SRD5A1: variants seen among roughly 807,000 people sequenced by gnomAD.
SRD5A1 encodes the protein steroid 5 alpha-reductase 1.
Under a neutral mutation model 28.2 loss-of-function variants are expected in SRD5A1, and 22 were observed. That is an observed-to-expected ratio of 0.78 (90% CI 0.56 to 1.12). The LOEUF (loss-of-function observed/expected upper bound fraction) is 1.12, where lower values mean the gene tolerates loss of function less well. Among genes scored for constraint, SRD5A1 ranks in the 50% most tolerant of loss-of-function variants. SRD5A1 has a pLI of 0.00. For synonymous variants in SRD5A1, 151 were observed against 135.0 expected, an observed-to-expected ratio of 1.12 and a Z score of -0.82; for missense variants, 300 against 346.7, an observed-to-expected ratio of 0.87 and a Z score of 1.07.
intron 4 of SRD5A1, among the ~76,000 whole-genome samples, chr5:6,664,000 G>A (rs932211415): frequency 6.6e-6 from 1 of 152,174 alleles, no homozygotes; most frequent in Non-Finnish European, 1.5e-5. Flanking sequence ...CCATCTCATT[G>A]ACGGGAAGAG....
chr5:6,643,252 A>G (rs1054550160), intron 1 of SRD5A1, among the ~76,000 whole-genome samples: 3 of 152,132 alleles, frequency 2.0e-5, no homozygotes, highest in Admixed American at 6.5e-5. Flanking sequence ...AGTAACATCC[A>G]TAGACTCACC....
intron 3 of SRD5A1, among the ~76,000 whole-genome samples, 155 bp downstream of exon 3, chr5:6,656,334 T>TAAAC (rs1738836519): frequency 3.3e-5 from 5 of 152,226 alleles, no homozygotes; most frequent in Admixed American, 6.5e-5. Flanking sequence ...CTATTGTTAT[T>TAAAC]GTCTTATTAG....
intron 4 of SRD5A1, among the ~76,000 whole-genome samples, chr5:6,663,705 C>T (rs1739077928): frequency 6.6e-6 from 1 of 151,942 alleles, no homozygotes; most frequent in Non-Finnish European, 1.5e-5. Flanking sequence ...ACTAAAAATA[C>T]AAAAATTAGT....
At chr5:6,666,020 C>T (rs1241530095) in intron 4 of SRD5A1, among the ~76,000 whole-genome samples, 2 of 152,094 alleles carry the variant, frequency 1.3e-5, no homozygotes, top group Admixed American at 6.6e-5. Context: ...AAATGTAGGA[C>T]TTACAAGCTG....
rs1739410377 is a variant in SRD5A1, at chr5:6,673,169, T to C, written c.*4901T>C. ...GAAATGATACTTGGCATTAGTATCA[T>C]TCTCCATCACTCTTGAAAGATATAT... On this transcript the variant is annotated 3_prime_UTR_variant, in exon 5 of 5. Coordinates refer to ENST00000274192, the MANE Select transcript of SRD5A1 (RefSeq NM_001047.4). 2 of 152,238 alleles carry C rather than the reference T, an allele frequency of 1.3e-5. No homozygotes were observed. Among genetic ancestry groups the C allele is most frequent in the Non-Finnish European group, 2.9e-5 (2 of 68,046 alleles). The allele number at this position is 152,238 out of a possible 1,614,324, so 9.4% of individuals were successfully genotyped here.
chr5:6,633,813 C>T lies in SRD5A1; in HGVS notation c.237C>T (p.Leu79=), dbSNP rs1213132040. 3.1e-6 allele frequency: 5 copies of T among 1,597,944 alleles called. No homozygotes were observed. Among genetic ancestry groups the T allele is most frequent in the Non-Finnish European group, 3.4e-6 (4 of 1,179,678 alleles). ...YQYASESAPR[L]RSAPNCILLA... is the part of the protein sequence containing the mutation. ...ACGCCAGCGAGTCCGCCCCGCGTCT[C>T]CGCAGCGCGCCCAACTGCATCCTCC... The change falls in exon 1 of 5, where the codon CTC becomes CTT. Residue 79 remains leucine (L), a synonymous_variant. Coordinates refer to ENST00000274192, the MANE Select transcript of SRD5A1 (RefSeq NM_001047.4).
intron 4 of SRD5A1, among the ~76,000 whole-genome samples, chr5:6,664,078 G>C (rs189565659): frequency 3.9e-5 from 6 of 152,176 alleles, no homozygotes; most frequent in African/African-American, 1.4e-4. Context: ...ATAAATGATG[G>C]AGACTGGGCT....
chr5:6,653,846 A>G (rs919510910), intron 2 of SRD5A1, among the ~76,000 whole-genome samples: 6 of 152,168 alleles, frequency 3.9e-5, no homozygotes, highest in African/African-American at 1.2e-4. Context: ...ACACCAATCA[A>G]TTGTAGACAG....
chr5:6,633,625 G>A lies in SRD5A1; in HGVS notation c.49G>A (p.Ala17Thr), dbSNP rs760934578. 6 of 1,537,984 alleles carry A rather than the reference G, an allele frequency of 3.9e-6. No homozygotes were observed. The African/African-American group carries it at 4.2e-5, about 11-fold the overall frequency. ...GGAGGAGCGCCTGCTGGCCGCGCTC[G>A]CCTACCTGCAGTGCGCCGTGGGCTG... ...VAEERLLAAL[A>T]YLQCAVGCAV... The change falls in exon 1 of 5, where the codon GCC becomes ACC. Residue 17 changes from alanine (A) to threonine (T), a missense_variant. Ala to Thr is a moderately conservative substitution (Grantham distance 58). This residue lies in a region of SRD5A1 where 174 missense variants were observed against 160.9 expected (regional missense o/e 1.08). Coordinates refer to ENST00000274192, the MANE Select transcript of SRD5A1 (RefSeq NM_001047.4).
At position 6,670,692 on chromosome 5, in the gene SRD5A1, G is replaced by GA. The variant is rs1739335890; in HGVS notation, c.*2431dup. On this transcript the variant is annotated 3_prime_UTR_variant, in exon 5 of 5. Coordinates refer to ENST00000274192, the MANE Select transcript of SRD5A1 (RefSeq NM_001047.4). ...TAAGTAGCTAAAATAATGTTAGGTA[G>GA]AAAAAAATAACAAGAATAAAAGCAA... 2 of 152,082 alleles carry GA rather than the reference G, an allele frequency of 1.3e-5. No individual in the cohort carries two copies. The highest frequency in any genetic ancestry group is 2.9e-5 in the Non-Finnish European group (2 of 68,012). The allele number at this position is 152,082 out of a possible 1,614,324, so 9.4% of individuals were successfully genotyped here. A position where few individuals can be genotyped will look rare whatever the true frequency, so the allele number is the denominator to read the frequency against.
At position 6,662,881 on chromosome 5, in the gene SRD5A1, G is replaced by T; in HGVS notation, c.628G>T (p.Ala210Ser). 1.9e-6 allele frequency: 3 copies of T among 1,613,412 alleles called. No homozygotes were observed. Among genetic ancestry groups the T allele is most frequent in the African/African-American group, 2.7e-5 (2 of 75,002 alleles). ...FGEIMEWCGY[A>S]LASWSVQGAA... Reference sequence around the variant, plus strand: ...AGAAATCATGGAGTGGTGTGGCTATGCCCTGGCCAGCTGGTCTGTCCAAGG... The same window carrying T: ...AGAAATCATGGAGTGGTGTGGCTATTCCCTGGCCAGCTGGTCTGTCCAAGG... The change falls in exon 4 of 5, where the codon GCC becomes TCC. Residue 210 changes from alanine to serine, a missense_variant. Ala to Ser is a moderately conservative substitution (Grantham distance 99). Transcript: ENST00000274192.
rs8192156 is a variant in SRD5A1, at chr5:6,640,082, C to T, written c.293+6213C>T. On this transcript the variant is annotated intron_variant, in intron 1 of 4. Coordinates refer to ENST00000274192, the MANE Select transcript of SRD5A1 (RefSeq NM_001047.4). ...GAGGATTTCATATGCTTGGGCCAGA[C>T]ATTCCCATGTCTCAACGGGTCCTCA... is the stretch of plus-strand genomic sequence containing the variant. 4.3e-3 allele frequency among the ~76,000 whole-genome samples: 658 copies of T among 152,320 alleles called. 4 individuals are homozygous for T. The highest frequency in any genetic ancestry group is 0.015 in the African/African-American group (624 of 41,554).
chr5:6,657,318 A>G (rs1483353559), intron 3 of SRD5A1, among the ~76,000 whole-genome samples: 2 of 152,342 alleles, frequency 1.3e-5, no homozygotes, highest in East Asian at 1.9e-4. Flanking sequence ...CTGATCACCT[A>G]TTCAGCCCCT....
At chr5:6,652,124 A>C in intron 2 of SRD5A1, 116 bp downstream of exon 2, 1 of 1,216,530 alleles carries the variant, frequency 8.2e-7, no homozygotes, top group Non-Finnish European at 1.1e-6. Context: ...ACAACAGAGA[A>C]AGCAGCAGCA....
At chr5:6,662,686 T>G (rs193236247) in intron 3 of SRD5A1, 130 bp from the exon 4 acceptor site, 3 of 1,027,270 alleles carry the variant, frequency 2.9e-6, no homozygotes, top group African/African-American at 1.6e-5. Context: ...TCTTACTGAT[T>G]AACATTCTGT....
At chr5:6,639,007 T>C (rs955136095) in intron 1 of SRD5A1, among the ~76,000 whole-genome samples, 1 of 152,260 alleles carries the variant, frequency 6.6e-6, no homozygotes, top group African/African-American at 2.4e-5. Flanking sequence ...ATTCTCTATT[T>C]CATTGTTCCC....
chr5:6,656,315 T>C (rs1738835099), intron 3 of SRD5A1, 136 bp downstream of exon 3: 1 of 696,676 alleles, frequency 1.4e-6, no homozygotes, highest in Non-Finnish European at 2.5e-6. Flanking sequence ...TCATTATTAA[T>C]AACAAGTGCT....
intron 1 of SRD5A1, among the ~76,000 whole-genome samples, chr5:6,647,750 G>C (rs1475867916): frequency 1.3e-5 from 2 of 152,050 alleles, no homozygotes; most frequent in South Asian, 2.1e-4. Flanking sequence ...TTTAATTGGG[G>C]CATTTAGCCT....
intron 4 of SRD5A1, among the ~76,000 whole-genome samples, 196 bp downstream of exon 4, chr5:6,663,162 G>C (rs574223234): frequency 1.3e-4 from 20 of 152,330 alleles, no homozygotes; most frequent in African/African-American, 4.6e-4. Context: ...CATCAGCACA[G>C]TTGTTCTCTA....
Sources: gnomAD v4.1 joint callset for allele counts (sites outside exome capture counted in the v4.1 genomes callset) on GRCh38, gnomAD v4.1.1 for gene constraint, gnomAD v4.1.1 regional missense constraint, MANE v1.5 for transcripts, NCBI Gene and HGNC (gene_info 2026-07-23, HGNC 2026-07-21) for gene names.